SLC4A10: variants seen among roughly 807,000 people sequenced by gnomAD.
SLC4A10 encodes the protein sodium-driven chloride bicarbonate exchanger.
A neutral mutation model predicts 137.7 loss-of-function variants in SLC4A10; 42 were observed. The observed-to-expected ratio is 0.30, with a 90% CI of 0.24 to 0.39. The LOEUF is 0.39. Among genes scored for constraint, SLC4A10 ranks in the 10% least tolerant of loss-of-function variants. SLC4A10 has a pLI of 1.00. For missense variants in SLC4A10, 925 were observed against 1,355.0 expected (o/e 0.68, Z 4.98); for synonymous variants, 474 against 464.1 (o/e 1.02, Z -0.27).
intron 4 of SLC4A10, among the ~76,000 whole-genome samples, chr2:161,854,357 G>A (rs558369047): frequency 6.6e-6 from 1 of 152,226 alleles, no homozygotes; most frequent in African/African-American, 2.4e-5. Context: ...ATGACATCAA[G>A]GTTCTTCTCT....
intron 1 of SLC4A10, among the ~76,000 whole-genome samples, chr2:161,697,899 G>A (rs552072161): frequency 1.3e-4 from 20 of 152,306 alleles, no homozygotes; most frequent in East Asian, 9.6e-4. Flanking sequence ...ACCTTGGGCC[G>A]TATGGCCGTT....
rs1187549067 is a variant in SLC4A10 at position 161,660,612 on chromosome 2, CT to C, written c.48+36049del. On this transcript the variant is annotated intron_variant, in intron 1 of 26. Coordinates refer to ENST00000446997, the MANE Select transcript of SLC4A10 (RefSeq NM_001178015.2). ...TCTTTCTTTCTTTCTTTCTTTCTTT[CT>C]TTCTTTCTTTCTTCCTTTCCTTCTT... Among the ~76,000 whole-genome samples, 7 of 147,472 alleles carry C rather than the reference CT, an allele frequency of 4.7e-5. No individual in the cohort carries two copies. In the East Asian group the frequency reaches 1.2e-3, roughly 25 times the overall value.
intron 14 of SLC4A10, among the ~76,000 whole-genome samples, chr2:161,905,253 G>A (rs1684079378): frequency 6.6e-6 from 1 of 152,116 alleles, no homozygotes; most frequent in Non-Finnish European, 1.5e-5. Context: ...TTGAGGGGAT[G>A]GTTTTGGAAT....
At chr2:161,633,892 T>G (rs546642144) in intron 1 of SLC4A10, among the ~76,000 whole-genome samples, 93 of 151,896 alleles carry the variant, frequency 6.1e-4, no homozygotes, top group African/African-American at 1.9e-3. Flanking sequence ...TTTTATCATT[T>G]TTTAGCTTTT....
intron 1 of SLC4A10, among the ~76,000 whole-genome samples, chr2:161,749,902 G>A (rs2048783246): frequency 6.6e-6 from 1 of 151,710 alleles, no homozygotes; most frequent in Non-Finnish European, 1.5e-5. Flanking sequence ...TCTTTGTTGG[G>A]AGATTTTTGA....
rs112768089 is a variant in SLC4A10, at chr2:161,718,171, G to C, written c.49-52802G>C. 6.3e-3 allele frequency among the ~76,000 whole-genome samples: 954 copies of C among 152,006 alleles called. 7 individuals carry two copies. The highest frequency in any genetic ancestry group is 0.022 in the African/African-American group (906 of 41,486). ...TTTATCATTTTTACTGTGTCTATTT[G>C]ATTTTTCTCTTTTTTCTTCTTTATT... On this transcript the variant is annotated intron_variant, in intron 1 of 26. Coordinates refer to ENST00000446997, the MANE Select transcript of SLC4A10 (RefSeq NM_001178015.2).
At chr2:161,783,133 T>C (rs1022931708) in intron 2 of SLC4A10, among the ~76,000 whole-genome samples, 1 of 151,960 alleles carries the variant, frequency 6.6e-6, no homozygotes, top group Non-Finnish European at 1.5e-5. Flanking sequence ...TATAAGTAGA[T>C]TTTTCTTCAG....
intron 15 of SLC4A10, among the ~76,000 whole-genome samples, chr2:161,925,200 T>A (rs1449648730): frequency 6.6e-6 from 1 of 152,224 alleles, no homozygotes; most frequent in African/African-American, 2.4e-5. Context: ...GTTGGTAAGC[T>A]ATTGATTATT....
At chr2:161,741,146 T>C (rs1363591675) in intron 1 of SLC4A10, among the ~76,000 whole-genome samples, 1 of 151,704 alleles carries the variant, frequency 6.6e-6, no homozygotes, top group Non-Finnish European at 1.5e-5. Context: ...GCACCTGAAG[T>C]TCCAGCTACT....
intron 1 of SLC4A10, among the ~76,000 whole-genome samples, chr2:161,638,825 T>C (rs1195392185): frequency 6.6e-6 from 1 of 151,868 alleles, no homozygotes; most frequent in African/African-American, 2.4e-5. Context: ...ATTTTAGAGA[T>C]CTTTCATCTC....
intron 2 of SLC4A10, among the ~76,000 whole-genome samples, chr2:161,783,563 T>C (rs2053287408): frequency 6.6e-6 from 1 of 151,960 alleles, no homozygotes; most frequent in Non-Finnish European, 1.5e-5. Context: ...AAAATACTTT[T>C]AATAAGTAAA....
intron 1 of SLC4A10, among the ~76,000 whole-genome samples, chr2:161,689,798 G>A (rs749023211): frequency 6.6e-6 from 1 of 152,064 alleles, no homozygotes; most frequent in African/African-American, 2.4e-5. Flanking sequence ...AGCACAGCAG[G>A]CTCTTGGCAA....
intron 1 of SLC4A10, among the ~76,000 whole-genome samples, chr2:161,657,817 G>A (rs1189013114): frequency 2.0e-5 from 3 of 151,452 alleles, no homozygotes; most frequent in Non-Finnish European, 4.4e-5. Context: ...CAGAAAATAC[G>A]GGAGGAGTAG....
At chr2:161,981,846 T>G (rs537407255) in intron 26 of SLC4A10, among the ~76,000 whole-genome samples, 1 of 152,230 alleles carries the variant, frequency 6.6e-6, no homozygotes, top group South Asian at 2.1e-4. Context: ...CCGGGCGCCA[T>G]AGACACGCGC....
chr2:161,760,902 G>A (rs2050187424), intron 1 of SLC4A10, among the ~76,000 whole-genome samples: 3 of 151,506 alleles, frequency 2.0e-5, no homozygotes, highest in Admixed American at 6.6e-5. Context: ...ACATACATAG[G>A]TATGTATCTA....
At chr2:161,672,211 G>A (rs779962644) in intron 1 of SLC4A10, among the ~76,000 whole-genome samples, 170 of 152,224 alleles carry the variant, frequency 1.1e-3, no homozygotes, top group Non-Finnish European at 1.9e-3. Context: ...CAGCCCTGGT[G>A]ATCTCTTTAG....
intron 1 of SLC4A10, among the ~76,000 whole-genome samples, chr2:161,646,567 A>G (rs1314611338): frequency 6.6e-6 from 1 of 151,960 alleles, no homozygotes; most frequent in Non-Finnish European, 1.5e-5. Flanking sequence ...CTTTATACCT[A>G]TACTTTAGAG....
At chr2:161,641,937 T>TA (rs964516109) in intron 1 of SLC4A10, among the ~76,000 whole-genome samples, 1 of 152,152 alleles carries the variant, frequency 6.6e-6, no homozygotes, top group South Asian at 2.1e-4. Context: ...AATGCTGCTT[T>TA]AAAAAATCGA....
intron 1 of SLC4A10, among the ~76,000 whole-genome samples, chr2:161,699,439 C>A (rs970586842): frequency 6.6e-6 from 1 of 152,136 alleles, no homozygotes; most frequent in African/African-American, 2.4e-5. Context: ...GAAATAGCCA[C>A]CCCGGCATAG....
Sources: gnomAD v4.1 joint callset for allele counts (sites outside exome capture counted in the v4.1 genomes callset) on GRCh38, gnomAD v4.1.1 for gene constraint, MANE v1.5 for transcripts, NCBI Gene and HGNC (gene_info 2026-07-23, HGNC 2026-07-21) for gene names.